The following SQSTM1 variants were observed in gnomAD, a reference collection of about 807,000 sequenced individuals.
SQSTM1 encodes the protein sequestosome-1.
Under a neutral mutation model 45.1 loss-of-function variants are expected in SQSTM1, and 36 were observed. The ratio of observed to expected loss-of-function variants is 0.80; its 90% CI spans 0.61 to 1.05. The LOEUF (loss-of-function observed/expected upper bound fraction) is 1.05, where lower values mean the gene tolerates loss of function less well. Ranked by LOEUF, SQSTM1 falls within the 50% of genes least tolerant of loss-of-function variation. SQSTM1 has a pLI of 0.00. For missense variants in SQSTM1, 617 were observed against 607.1 expected, an observed-to-expected ratio of 1.02 and a Z score of -0.17; for synonymous variants, 290 against 244.3, an observed-to-expected ratio of 1.19 and a Z score of -1.74.
intron 2 of SQSTM1, among the ~76,000 whole-genome samples, chr5:179,823,412 C>G (rs1757857521): frequency 8.4e-6 from 1 of 118,908 alleles, no homozygotes; most frequent in South Asian, 2.7e-4. Context: ...TGCCATGAGC[C>G]GAAATCACAT....
upstream of SQSTM1, among the ~76,000 whole-genome samples, chr5:179,818,122 T>C (rs1346897882): frequency 6.6e-6 from 1 of 150,536 alleles, no homozygotes; most frequent in Non-Finnish European, 1.5e-5. Flanking sequence ...GGGTGGGAAG[T>C]TGCCATGTAG....
intron 5 of SQSTM1, among the ~76,000 whole-genome samples, chr5:179,831,478 A>C (rs1448376959): frequency 6.6e-6 from 1 of 152,184 alleles, no homozygotes; most frequent in Non-Finnish European, 1.5e-5. Context: ...CCTGGCCAAC[A>C]TGGTGAAACC....
At chr5:179,820,811 C>T, upstream of SQSTM1, 1 of 930,934 alleles carries the variant, frequency 1.1e-6, no homozygotes, top group Non-Finnish European at 1.5e-6. Flanking sequence ...ACGACGGTGG[C>T]GGGGGCGGGG....
At position 179,837,899 on chromosome 5, in the gene SQSTM1, T is replaced by C. The variant is rs771699503; in HGVS notation, c.*1306T>C. On this transcript the variant is annotated 3_prime_UTR_variant, in exon 8 of 8. Coordinates refer to ENST00000389805, the MANE Select transcript of SQSTM1 (RefSeq NM_003900.5). Reference sequence around the variant, plus strand: ...GCCAGCCTGTCCCTGAAAGAGAAGATGGCCATGCCCTCCATGTGTAAGAAC... The same window carrying C: ...GCCAGCCTGTCCCTGAAAGAGAAGACGGCCATGCCCTCCATGTGTAAGAAC... 41 of 1,598,100 alleles carry C rather than the reference T, an allele frequency of 2.6e-5. No individual in the cohort carries two copies. Among genetic ancestry groups the C allele is most frequent in the Non-Finnish European group, 3.5e-5 (41 of 1,177,152 alleles).
chr5:179,811,682 G>C (rs1757407802), exon 2 of SQSTM1: 1 of 152,184 alleles, frequency 6.6e-6, no homozygotes, highest in Admixed American at 6.5e-5. Flanking sequence ...CTTGAGAAAG[G>C]GTGAGTGAGA....
chr5:179,836,415 G>A (rs759165538), intron 7 of SQSTM1, 21 bp from the exon 8 acceptor site: 2 of 1,614,044 alleles, frequency 1.2e-6, no homozygotes, highest in African/African-American at 1.3e-5. Context: ...ACTCCTCATG[G>A]CTTCCTTACT....
upstream of SQSTM1, chr5:179,820,902 G>C (rs189132632): frequency 3.3e-3 from 4,891 of 1,473,186 alleles, 80 homozygotes; most frequent in African/African-American, 0.045. Context: ...GGCTGCGACC[G>C]GGACGGCCCG....
chr5:179,825,259 AC>A (rs1474592233), intron 5 of SQSTM1, 33 bp downstream of exon 5: 1 of 1,561,064 alleles, frequency 6.4e-7, no homozygotes, highest in African/African-American at 1.4e-5. Flanking sequence ...TGCTTCCCTA[AC>A]TCAGCCTGCA....
rs368010261 is a variant in SQSTM1 at position 179,824,282 on chromosome 5, C to G, written c.632C>G (p.Pro211Arg). 3.4e-5 allele frequency: 55 copies of G among 1,613,692 alleles called. No individual in the cohort carries two copies. The highest frequency in any genetic ancestry group is 4.5e-5 in the Non-Finnish European group (53 of 1,180,054). Residue 211 changes from proline (P) to arginine (R), a missense_variant, in exon 4 of 8, where the codon CCT (proline) becomes CGT (arginine). Coordinates refer to ENST00000389805, the MANE Select transcript of SQSTM1 (RefSeq NM_003900.5). ...GPPGNWSPRP[P>R]RAGEARPGPT... ...CCAGGAAACTGGAGCCCACGTCCTC[C>G]TCGTGCAGGGGAGGCCCGCCCTGGC...
In SQSTM1 at chr5:179,830,532, C is replaced by T. The variant is rs557327206; in HGVS notation, c.755-2500C>T. Among the ~76,000 whole-genome samples, 4 of 151,946 alleles carry T rather than the reference C, an allele frequency of 2.6e-5. No individual in the cohort carries two copies. In the East Asian group the frequency reaches 7.7e-4, roughly 29 times the overall value. On this transcript the variant is annotated intron_variant, in intron 5 of 7. Coordinates refer to ENST00000389805, the MANE Select transcript of SQSTM1 (RefSeq NM_003900.5). Reference sequence around the variant, plus strand: ...CAGTAGCTGGGACTACAGGCATGTGCCACTGTGCCTAGATATTTTTTTTTT... The same window carrying T: ...CAGTAGCTGGGACTACAGGCATGTGTCACTGTGCCTAGATATTTTTTTTTT...
chr5:179,808,062 GGCCC>G, intron 1 of SQSTM1: 1 of 152,440 alleles, frequency 6.6e-6, no homozygotes, highest in East Asian at 1.9e-4. Flanking sequence ...GGCAGCGCCT[GGCCC>G]GCTGCCGGCT....
Position 179,824,067 on chromosome 5 carries a change from C to A in SQSTM1, c.511C>A (p.Pro171Thr), listed in dbSNP as rs747322992. The A allele has an allele frequency of 1.2e-6, 2 of 1,613,930 alleles. No homozygotes were observed. Among genetic ancestry groups the A allele is most frequent in the Non-Finnish European group, 1.7e-6 (2 of 1,180,040 alleles). ...RGHTKLAFPS[P>T]FGHLSEGFSH... is the part of the protein sequence containing the mutation. ...GCACACCAAGCTCGCATTCCCCAGC[C>A]CCTTCGGGCACCTGTCTGAGGTGAG... The change falls in exon 3 of 8, where the codon CCC (proline) becomes ACC (threonine). Residue 171 changes from proline (P) to threonine (T), a missense_variant. Physicochemically the swap from Pro to Thr is conservative, Grantham distance 38. Transcript: ENST00000389805.
intron 1 of SQSTM1, chr5:179,808,151 C>A (rs934821051): frequency 2.6e-5 from 4 of 152,308 alleles, no homozygotes; most frequent in Non-Finnish European, 5.9e-5. Context: ...CCGGGGGAGG[C>A]CCGAGGGGCT....
Position 179,806,600 on chromosome 5 carries a change from C to T in SQSTM1, c.-157+9C>T, listed in dbSNP as rs1323352719. The T allele has an allele frequency of 3.3e-6, 4 of 1,216,978 alleles. No individual in the cohort carries two copies. Among genetic ancestry groups the T allele is most frequent in the South Asian group, 1.7e-5 (1 of 57,236 alleles). The allele number at this position is 1,216,978 out of a possible 1,614,324, so 75.4% of individuals were successfully genotyped here. A position where few individuals can be genotyped will look rare whatever the true frequency, so the allele number is the denominator to read the frequency against. On this transcript the variant is annotated intron_variant, in intron 1 of 5. Transcript: ENST00000514093. The surrounding 1 kb of genome is among the most constrained non-coding windows in gnomAD (Gnocchi z 4.6). ...GAGCCTCATCTCCTCGGGTGCGCGG[C>T]GGGCGCCCGCGGGGCCGAGGCTGCA...
At chr5:179,819,485 C>A (rs1757690715), upstream of SQSTM1, among the ~76,000 whole-genome samples, 1 of 152,260 alleles carries the variant, frequency 6.6e-6, no homozygotes, top group South Asian at 2.1e-4. Flanking sequence ...CACAGGCCTT[C>A]CTTGTGTCCC....
At chr5:179,833,299 T>G in intron 6 of SQSTM1, 53 bp downstream of exon 6, 1 of 1,498,628 alleles carries the variant, frequency 6.7e-7, no homozygotes, top group Non-Finnish European at 9.0e-7. Flanking sequence ...TAGTGATCTG[T>G]GGCCTGCACC....
chr5:179,812,256 GC>G (rs1178523752), intron 2 of SQSTM1: 1 of 152,296 alleles, frequency 6.6e-6, no homozygotes, highest in South Asian at 2.1e-4. Context: ...CGGCATGAGG[GC>G]CCCCACTGGG....
intron 5 of SQSTM1, among the ~76,000 whole-genome samples, chr5:179,831,924 C>G (rs1482092314): frequency 1.3e-5 from 2 of 151,950 alleles, no homozygotes; most frequent in African/African-American, 4.8e-5. Flanking sequence ...ACTGAGACTA[C>G]AGGCGATTGC....
rs1443080077 is a variant in SQSTM1, at chr5:179,837,866, C to T, written c.*1273C>T. On this transcript the variant is annotated 3_prime_UTR_variant, in exon 8 of 8. Transcript: ENST00000389805. ...GGGGCTGCTGCCTTGTTTCACCTTC[C>T]ATGTCAGGCCAGCCTGTCCCTGAAA... The T allele has an allele frequency of 3.7e-6, 6 of 1,606,876 alleles. No individual in the cohort carries two copies. Among genetic ancestry groups the T allele is most frequent in the Non-Finnish European group, 8.5e-7 (1 of 1,179,556 alleles).
Sources: gnomAD v4.1 joint callset for allele counts (sites outside exome capture counted in the v4.1 genomes callset) on GRCh38, gnomAD v4.1.1 for gene constraint, Gnocchi (gnomAD v3.1) non-coding constraint, MANE v1.5 for transcripts, NCBI Gene and HGNC (gene_info 2026-07-23, HGNC 2026-07-21) for gene names.